Variants in PDZRN4 observed in about 807,000 individuals in gnomAD.
PDZRN4 encodes PDZ domain containing ring finger 4.
A neutral mutation model predicts 99.0 loss-of-function variants in PDZRN4; 70 were observed. The ratio of observed to expected loss-of-function variants is 0.71; its 90% confidence interval spans 0.58 to 0.86. The LOEUF (loss-of-function observed/expected upper bound fraction) is 0.86, where lower values mean the gene tolerates loss of function less well. Among genes scored for constraint, PDZRN4 ranks in the 40% least tolerant of loss-of-function variants. The probability of loss-of-function intolerance (pLI) is 0.00; values close to 1 mark genes in which losing one functional copy is unlikely to be tolerated. For missense variants in PDZRN4, 1,474 were observed against 1,331.2 expected, an observed-to-expected ratio of 1.11 and a Z score of -1.67; for synonymous variants, 551 against 501.6, an observed-to-expected ratio of 1.10 and a Z score of -1.32.
intron 3 of PDZRN4, among the ~76,000 whole-genome samples, chr12:41,495,514 T>C (rs1270164017): frequency 6.6e-6 from 1 of 152,000 alleles, no homozygotes; most frequent in Non-Finnish European, 1.5e-5. Flanking sequence ...CTCTTCATCC[T>C]CCTCCAACTG....
intron 6 of PDZRN4, among the ~76,000 whole-genome samples, chr12:41,554,290 A>G (rs1259045579): frequency 1.3e-5 from 2 of 152,218 alleles, no homozygotes; most frequent in Non-Finnish European, 1.5e-5. Context: ...GATACAGTTC[A>G]TGAATCACCC....
chr12:41,449,543 T>C (rs1044167902), intron 3 of PDZRN4, among the ~76,000 whole-genome samples: 7 of 152,090 alleles, frequency 4.6e-5, no homozygotes, highest in African/African-American at 1.7e-4. Flanking sequence ...CCAGCAGACA[T>C]GGGTAATGGA....
chr12:41,238,131 CTTCT>C (rs1293522791), intron 3 of PDZRN4, among the ~76,000 whole-genome samples: 2 of 152,018 alleles, frequency 1.3e-5, no homozygotes, highest in African/African-American at 4.8e-5. Context: ...CTGCTTGTGT[CTTCT>C]TTGATTTCCT....
In PDZRN4 at chr12:41,395,033, T is replaced by A. The variant is rs189155931; in HGVS notation, c.844-111423T>A. On this transcript the variant is annotated intron_variant, in intron 3 of 9. Coordinates refer to ENST00000402685, the MANE Select transcript of PDZRN4 (RefSeq NM_001164595.2). ...TTTTAAACCACTGCAGTTCACTTTC[T>A]TATCACAAATTATTTATATTGCTCC... Among the ~76,000 whole-genome samples the A allele has an allele frequency of 1.5e-4, 23 of 152,308 alleles. 1 individual carries two copies. In the East Asian group the frequency reaches 4.4e-3, roughly 29 times the overall value.
intron 3 of PDZRN4, among the ~76,000 whole-genome samples, chr12:41,271,534 A>G (rs563999097): frequency 6.6e-6 from 1 of 152,264 alleles, no homozygotes; most frequent in South Asian, 2.1e-4. Flanking sequence ...AATCTTGCCA[A>G]TTAAAATGCT....
intron 3 of PDZRN4, among the ~76,000 whole-genome samples, chr12:41,498,037 G>A (rs1470496125): frequency 6.6e-6 from 1 of 151,844 alleles, no homozygotes; most frequent in Non-Finnish European, 1.5e-5. Context: ...ATGATTTTAA[G>A]TTCCAAGAAT....
At chr12:41,368,160 C>T (rs963269472) in intron 3 of PDZRN4, among the ~76,000 whole-genome samples, 5 of 152,038 alleles carry the variant, frequency 3.3e-5, no homozygotes, top group East Asian at 1.9e-4. Context: ...TCACCATTTG[C>T]CTGCCTTTAC....
rs771383365 is a variant in PDZRN4 at position 41,573,766 on chromosome 12, T to C, written c.2987T>C (p.Met996Thr). The change falls in exon 10 of 10, where the codon ATG becomes ACG. Residue 996 changes from methionine (M) to threonine (T), a missense_variant. By Grantham distance (81) the Met-to-Thr change is moderately conservative. Transcript: ENST00000402685. Reference sequence around the variant, plus strand: ...ATTGAACTGAGTCACAAAAAGATGATGAAAAAGAGAAACAAGAAAATTTTG... The same window carrying C: ...ATTGAACTGAGTCACAAAAAGATGACGAAAAAGAGAAACAAGAAAATTTTG... Reference protein sequence around the residue: ...NIIELSHKKMMKKRNKKILDN... With the variant: ...NIIELSHKKMTKKRNKKILDN... 8.7e-6 allele frequency: 14 copies of C among 1,613,590 alleles called. No individual in the cohort carries two copies. Among genetic ancestry groups the C allele is most frequent in the Non-Finnish European group, 1.2e-5 (14 of 1,179,860 alleles).
At chr12:41,210,972 C>T (rs1343627194) in intron 3 of PDZRN4, among the ~76,000 whole-genome samples, 1 of 151,956 alleles carries the variant, frequency 6.6e-6, no homozygotes, top group African/African-American at 2.4e-5. Flanking sequence ...CTAAGTCAAG[C>T]TGTTTATTCA....
At chr12:41,192,974 C>G (rs1222049502) in intron 2 of PDZRN4, among the ~76,000 whole-genome samples, 1 of 152,180 alleles carries the variant, frequency 6.6e-6, no homozygotes, top group Non-Finnish European at 1.5e-5. Flanking sequence ...TCTCAATAAA[C>G]TGCCATGAAA....
At chr12:41,285,766 C>T (rs1951418374) in intron 3 of PDZRN4, among the ~76,000 whole-genome samples, 2 of 152,068 alleles carry the variant, frequency 1.3e-5, no homozygotes, top group Non-Finnish European at 1.5e-5. Context: ...AAACCAAACA[C>T]CGCATGTTCT....
At chr12:41,284,532 A>C (rs1157797904) in intron 3 of PDZRN4, among the ~76,000 whole-genome samples, 1 of 152,190 alleles carries the variant, frequency 6.6e-6, no homozygotes, top group Non-Finnish European at 1.5e-5. Context: ...GAACCAAAAA[A>C]AGAGCCCATA....
At chr12:41,550,805 G>A (rs976037915) in intron 5 of PDZRN4, among the ~76,000 whole-genome samples, 19 of 152,114 alleles carry the variant, frequency 1.2e-4, no homozygotes, top group South Asian at 2.1e-4. Context: ...GTTTATGAGA[G>A]CAAATCCCCT....
In PDZRN4 at chr12:41,325,058, T is replaced by C. The variant is rs184939774; in HGVS notation, c.843+130870T>C. Among the ~76,000 whole-genome samples, 34 of 152,252 alleles carry C rather than the reference T, an allele frequency of 2.2e-4. No homozygotes were observed. The East Asian group carries it at 6.4e-3, about 28-fold the overall frequency. ...ATTAATATAGTAGAGCAAATATCTCTCTTAAACTGTGGACCAACTATGGAG... is the reference window on the plus strand; with the variant it reads ...ATTAATATAGTAGAGCAAATATCTCCCTTAAACTGTGGACCAACTATGGAG... On this transcript the variant is annotated intron_variant, in intron 3 of 9. Coordinates refer to ENST00000402685, the MANE Select transcript of PDZRN4 (RefSeq NM_001164595.2).
intron 3 of PDZRN4, among the ~76,000 whole-genome samples, chr12:41,485,005 T>A (rs775537745): frequency 1.3e-5 from 2 of 152,116 alleles, no homozygotes; most frequent in Non-Finnish European, 2.9e-5. Flanking sequence ...TGCCTCACAA[T>A]CTGCCACTTT....
intron 3 of PDZRN4, among the ~76,000 whole-genome samples, chr12:41,398,964 T>C (rs1184243566): frequency 1.3e-5 from 2 of 152,144 alleles, no homozygotes; most frequent in South Asian, 2.1e-4. Context: ...ACAAATTCAT[T>C]TGTAAAACAC....
At chr12:41,375,789 A>G (rs1952074475) in intron 3 of PDZRN4, among the ~76,000 whole-genome samples, 2 of 151,812 alleles carry the variant, frequency 1.3e-5, no homozygotes, top group South Asian at 2.1e-4. Flanking sequence ...TTTAAGGTCT[A>G]CTCTGTTGGC....
Position 41,506,534 on chromosome 12 carries a change from G to A in PDZRN4, c.922G>A (p.Val308Met), listed in dbSNP as rs1369632614. ...AFRNAKEPIV[V>M]QVLRRTPLSR... The stretch of plus-strand genomic sequence containing the variant: ...TCGCAATGCCAAGGAGCCCATTGTG[G>A]TGCAGGTGTTAAGGCGAACACCTCT... The change falls in exon 4 of 10, where the codon GTG becomes ATG. Residue 308 changes from valine to methionine, a missense_variant. Val to Met is a conservative substitution (Grantham distance 21). Coordinates refer to ENST00000402685, the MANE Select transcript of PDZRN4 (RefSeq NM_001164595.2). The A allele has an allele frequency of 1.2e-6, 2 of 1,613,802 alleles. No homozygotes were observed. The highest frequency in any genetic ancestry group is 1.7e-5 in the Admixed American group (1 of 59,994).
At chr12:41,439,224 T>G (rs1345414120) in intron 3 of PDZRN4, among the ~76,000 whole-genome samples, 1 of 152,178 alleles carries the variant, frequency 6.6e-6, no homozygotes, top group African/African-American at 2.4e-5. Context: ...CATTGTTAAT[T>G]ACACCAGGGG....
Sources: allele counts gnomAD v4.1 joint callset (sites outside exome capture counted in the v4.1 genomes callset), GRCh38; gene constraint gnomAD v4.1.1; transcripts MANE v1.5; gene names NCBI Gene and HGNC (gene_info 2026-07-23, HGNC 2026-07-21).